The following PKHD1L1 variants were observed in gnomAD, a reference collection of about 807,000 sequenced individuals.
PKHD1L1 encodes PKHD1 like 1.
In PKHD1L1, 434 loss-of-function variants were observed where a neutral mutation model predicts 462.9. The observed-to-expected ratio is 0.94, with a 90% CI of 0.87 to 1.02. The LOEUF (loss-of-function observed/expected upper bound fraction) is 1.02. Ranked by LOEUF, PKHD1L1 falls within the 50% of genes least tolerant of loss-of-function variation. PKHD1L1 has a pLI of 0.00. For missense variants in PKHD1L1, 5,202 were observed against 5,096.1 expected (o/e 1.02, Z -0.63); for synonymous variants, 1,781 against 1,750.0 (o/e 1.02, Z -0.44).
chr8:109,413,430 G>T lies in PKHD1L1; in HGVS notation c.2245G>T (p.Ala749Ser). The change falls in exon 21 of 78, where the codon GCA (alanine) becomes TCA (serine). Residue 749 changes from alanine to serine, a missense_variant. Ala to Ser is a moderately conservative substitution (Grantham distance 99). This residue lies in a region of PKHD1L1 where 4,497 missense variants were observed against 4,336.8 expected (regional missense o/e 1.04). Coordinates refer to ENST00000378402, the MANE Select transcript of PKHD1L1 (RefSeq NM_177531.6). ...TCATATTTTTATGTAGTTATGTTTA[G>T]CATACAAAGGATTCCTGGCAAATTA... ...LLFPYNQLCL[A>S]YKGFLANYIG... The T allele has an allele frequency of 6.5e-7, 1 of 1,532,420 alleles. No homozygotes were observed. Among genetic ancestry groups the T allele is most frequent in the Non-Finnish European group, 8.9e-7 (1 of 1,126,454 alleles). The allele number at this position is 1,532,420 out of a possible 1,614,324, so 94.9% of individuals were successfully genotyped here.
chr8:109,456,550 A>T (rs1357302288), intron 46 of PKHD1L1, among the ~76,000 whole-genome samples, 159 bp downstream of exon 46: 1 of 152,232 alleles, frequency 6.6e-6, no homozygotes, highest in Non-Finnish European at 1.5e-5. Context: ...AAGTGTTAAC[A>T]TTAGGTTGAT....
chr8:109,479,769 T>C (rs1225880831), intron 54 of PKHD1L1, 130 bp downstream of exon 54: 1 of 819,958 alleles, frequency 1.2e-6, no homozygotes, highest in Admixed American at 2.9e-5. Context: ...ACTCTATTAA[T>C]GCATCCCGGA....
chr8:109,407,190 T>C (rs993530216), intron 17 of PKHD1L1, among the ~76,000 whole-genome samples: 4 of 152,168 alleles, frequency 2.6e-5, no homozygotes, highest in African/African-American at 7.2e-5. Context: ...TTTTTCAATA[T>C]GTAAGTAAAA....
chr8:109,435,501 T>C (rs1216959563), intron 29 of PKHD1L1, 147 bp downstream of exon 29: 2 of 831,040 alleles, frequency 2.4e-6, no homozygotes, highest in East Asian at 5.2e-5. Flanking sequence ...GTACAGTGAT[T>C]AAATGGCTGA....
chr8:109,404,961 C>A, intron 15 of PKHD1L1, 34 bp from the exon 16 acceptor site: 1 of 1,303,332 alleles, frequency 7.7e-7, no homozygotes, highest in Non-Finnish European at 1.0e-6. Flanking sequence ...ATATATTTTT[C>A]ATATATTAAA....
At chr8:109,499,836 G>A (rs1819310957) in intron 67 of PKHD1L1, among the ~76,000 whole-genome samples, 1 of 152,166 alleles carries the variant, frequency 6.6e-6, no homozygotes, top group Non-Finnish European at 1.5e-5. Flanking sequence ...GAGCTGAAGG[G>A]CAGCTATACT....
At chr8:109,475,800 A>T (rs1449940326) in intron 51 of PKHD1L1, among the ~76,000 whole-genome samples, 1 of 145,620 alleles carries the variant, frequency 6.9e-6, no homozygotes, top group African/African-American at 2.5e-5. Flanking sequence ...GTGAACCAAG[A>T]TCGCCCCACT....
At chr8:109,443,410 C>T (rs191112771) in intron 36 of PKHD1L1, among the ~76,000 whole-genome samples, 2 of 152,116 alleles carry the variant, frequency 1.3e-5, no homozygotes, top group South Asian at 2.1e-4. Context: ...TGTAAGATGA[C>T]GTTGTTATTT....
chr8:109,518,447 A>G lies in PKHD1L1; in HGVS notation c.11970A>G (p.Gly3990=), dbSNP rs764287773. 8 of 1,610,516 alleles carry G rather than the reference A, an allele frequency of 5.0e-6. No homozygotes were observed. In the African/African-American group the frequency reaches 1.1e-4, roughly 22 times the overall value. ...GKSLRRKRSM[G]FIIEIEIGDP... Reference sequence around the variant, plus strand: ...GTCTGAGGAGGAAGAGATCCATGGGATTCATAATTGAAATAGAGATTGGAG... The same window carrying G: ...GTCTGAGGAGGAAGAGATCCATGGGGTTCATAATTGAAATAGAGATTGGAG... The change falls in exon 73 of 78, where the codon GGA becomes GGG. Residue 3990 remains glycine (G), a synonymous_variant. Transcript: ENST00000378402.
intron 53 of PKHD1L1, 75 bp from the exon 54 acceptor site, chr8:109,479,476 A>T (rs778203632): frequency 3.0e-6 from 3 of 1,001,870 alleles, no homozygotes; most frequent in Non-Finnish European, 4.5e-6. Flanking sequence ...GGGAAATGGA[A>T]CGGTTTACAT....
At chr8:109,388,770 G>GA (rs1266503905) in intron 7 of PKHD1L1, among the ~76,000 whole-genome samples, 1 of 151,986 alleles carries the variant, frequency 6.6e-6, no homozygotes, top group Non-Finnish European at 1.5e-5. Flanking sequence ...AGATTTTTAT[G>GA]AAAAAAGATG....
chr8:109,451,934 CTTTG>C (rs1166077936), intron 41 of PKHD1L1, among the ~76,000 whole-genome samples, 186 bp from the exon 42 acceptor site: 5 of 151,916 alleles, frequency 3.3e-5, no homozygotes, highest in Admixed American at 3.3e-4. Context: ...CTCTTAACCT[CTTTG>C]TTTACTTTTT....
chr8:109,491,753 T>A, intron 61 of PKHD1L1, 120 bp from the exon 62 acceptor site: 3 of 966,702 alleles, frequency 3.1e-6, no homozygotes, highest in Non-Finnish European at 4.3e-6. Flanking sequence ...GGATTGTTTG[T>A]CAGGCTCAAA....
chr8:109,500,403 A>C (rs1056245257), intron 67 of PKHD1L1, among the ~76,000 whole-genome samples: 1 of 150,184 alleles, frequency 6.7e-6, no homozygotes, highest in African/African-American at 2.4e-5. Context: ...CCCCTGGTCC[A>C]TGGTGGCTCA....
At chr8:109,506,480 T>C (rs978667998) in intron 68 of PKHD1L1, among the ~76,000 whole-genome samples, 1 of 152,122 alleles carries the variant, frequency 6.6e-6, no homozygotes, top group African/African-American at 2.4e-5. Context: ...CCACTTCTCT[T>C]CTCCCCCTTT....
rs1199779210 is a variant in PKHD1L1 at position 109,418,137 on chromosome 8, A to G, written c.2361-960A>G. 3.3e-5 allele frequency among the ~76,000 whole-genome samples: 5 copies of G among 152,316 alleles called. No individual in the cohort carries two copies. The East Asian group carries it at 7.7e-4, about 23-fold the overall frequency. On this transcript the variant is annotated intron_variant, in intron 21 of 77. Coordinates refer to ENST00000378402, the MANE Select transcript of PKHD1L1 (RefSeq NM_177531.6). ...ATTTTCAGTCTCCTTTTCCCTTATAAAAGGTCCTGTTCAGTATGCCAAATT... is the reference window on the plus strand; with the variant it reads ...ATTTTCAGTCTCCTTTTCCCTTATAGAAGGTCCTGTTCAGTATGCCAAATT...
At chr8:109,412,927 T>C (rs1278878781) in intron 20 of PKHD1L1, among the ~76,000 whole-genome samples, 1 of 152,106 alleles carries the variant, frequency 6.6e-6, no homozygotes, top group Non-Finnish European at 1.5e-5. Flanking sequence ...AAATTCAAAG[T>C]TCTTAATATA....
At chr8:109,370,330 T>C (rs1811436603) in intron 2 of PKHD1L1, among the ~76,000 whole-genome samples, 1 of 151,996 alleles carries the variant, frequency 6.6e-6, no homozygotes, top group African/African-American at 2.4e-5. Context: ...GCCAGGCTGG[T>C]CTCGAATTCC....
intron 63 of PKHD1L1, among the ~76,000 whole-genome samples, chr8:109,495,981 T>C (rs1256775474): frequency 1.3e-5 from 2 of 152,240 alleles, no homozygotes; most frequent in African/African-American, 4.8e-5. Context: ...GAGTATTTGC[T>C]AGGCACTGTA....
Sources: allele counts gnomAD v4.1 joint callset (sites outside exome capture counted in the v4.1 genomes callset), GRCh38; gene constraint gnomAD v4.1.1; regional missense constraint gnomAD v4.1.1; transcripts MANE v1.5; gene names NCBI Gene and HGNC (gene_info 2026-07-23, HGNC 2026-07-21).